Variants in SGCD observed in about 807,000 individuals in gnomAD.
The protein encoded by SGCD is sarcoglycan delta.
SGCD carries 18 observed loss-of-function variants against 36.6 expected under a neutral mutation model. That is an observed-to-expected ratio of 0.49 (90% CI 0.34 to 0.73). SGCD has a LOEUF of 0.73. Ranked by LOEUF, SGCD falls within the 30% of genes least tolerant of loss-of-function variation. The probability of loss-of-function intolerance (pLI) is 0.01; values close to 1 mark genes in which losing one functional copy is unlikely to be tolerated. For missense variants in SGCD, 387 were observed against 346.7 expected (o/e 1.12, Z -0.92); for synonymous variants, 133 against 130.6 (o/e 1.02, Z -0.12).
chr5:155,966,248 C>G (rs1757901542), intron 1 of SGCD, among the ~76,000 whole-genome samples: 1 of 152,060 alleles, frequency 6.6e-6, no homozygotes, highest in African/African-American at 2.4e-5. Flanking sequence ...TTCTGAATGT[C>G]AACATATACT....
intron 3 of SGCD, among the ~76,000 whole-genome samples, chr5:156,459,934 T>A (rs1754413663): frequency 6.6e-6 from 1 of 152,158 alleles, no homozygotes; most frequent in Admixed American, 6.6e-5. Flanking sequence ...AGATAACCCC[T>A]CCTCCTTTCC....
At chr5:155,953,496 G>A (rs912370035) in intron 1 of SGCD, among the ~76,000 whole-genome samples, 12 of 152,140 alleles carry the variant, frequency 7.9e-5, no homozygotes, top group Admixed American at 2.0e-4. Flanking sequence ...CAGATAAGCC[G>A]TTCATTCAAT....
intron 7 of SGCD, among the ~76,000 whole-genome samples, chr5:156,736,166 T>C (rs1367842362): frequency 2.0e-5 from 3 of 152,206 alleles, no homozygotes; most frequent in Non-Finnish European, 4.4e-5. Context: ...ATGTGTCAGT[T>C]GGCAGTGCTG....
intron 3 of SGCD, among the ~76,000 whole-genome samples, chr5:156,486,984 A>G (rs1200807275): frequency 6.6e-6 from 1 of 152,154 alleles, no homozygotes; most frequent in Non-Finnish European, 1.5e-5. Flanking sequence ...TCTGTCATCC[A>G]AGCCTACCTC....
intron 7 of SGCD, among the ~76,000 whole-genome samples, chr5:156,657,578 C>A (rs1307969836): frequency 1.3e-5 from 2 of 151,616 alleles, no homozygotes; most frequent in Non-Finnish European, 2.9e-5. Context: ...GCCTGGCCAC[C>A]ATGGTGAAAC....
At chr5:156,703,382 C>CTT (rs533137929) in intron 7 of SGCD, among the ~76,000 whole-genome samples, 5 of 137,354 alleles carry the variant, frequency 3.6e-5, no homozygotes, top group Admixed American at 7.2e-5. Context: ...TTATTTATTT[C>CTT]TTTTTTTTTT....
At position 156,647,494 on chromosome 5, in the gene SGCD, T is replaced by C. The variant is rs757279786; in HGVS notation, c.533T>C (p.Ile178Thr). The change falls in exon 7 of 9, where the codon ATA (isoleucine) becomes ACA (threonine). Residue 178 changes from isoleucine (I) to threonine (T), a missense_variant. By Grantham distance (89) the Ile-to-Thr change is moderately conservative. Transcript: ENST00000337851. ...GAGGGCACAGTGTTCCCTAAATCTA[T>C]AGAAACACCTAATGTCAGGGCAGAC... is the stretch of plus-strand genomic sequence containing the variant. Reference protein sequence around the residue: ...GAEGTVFPKSIETPNVRADPF... With the variant: ...GAEGTVFPKSTETPNVRADPF... 5 of 1,587,218 alleles carry C rather than the reference T, an allele frequency of 3.2e-6. No homozygotes were observed. The highest frequency in any genetic ancestry group is 2.3e-5 in the East Asian group (1 of 44,086).
chr5:156,309,847 G>A (rs1227652584), intron 3 of SGCD, among the ~76,000 whole-genome samples: 1 of 151,814 alleles, frequency 6.6e-6, no homozygotes, highest in African/African-American at 2.4e-5. Context: ...TCTGCCATCA[G>A]GTCTTTTTTT....
intron 1 of SGCD, among the ~76,000 whole-genome samples, chr5:156,041,024 G>A (rs1759619584): frequency 6.6e-6 from 1 of 152,212 alleles, no homozygotes; most frequent in South Asian, 2.1e-4. Flanking sequence ...AAACTGTGAT[G>A]TTCTGTGTTT....
At chr5:156,728,219 A>G (rs1404790365) in intron 7 of SGCD, among the ~76,000 whole-genome samples, 1 of 152,104 alleles carries the variant, frequency 6.6e-6, no homozygotes, top group Non-Finnish European at 1.5e-5. Context: ...AAAATGATAG[A>G]TTTTCCTTTG....
intron 3 of SGCD, among the ~76,000 whole-genome samples, chr5:156,498,124 C>A (rs1205890166): frequency 1.3e-5 from 2 of 152,132 alleles, no homozygotes; most frequent in Non-Finnish European, 1.5e-5. Flanking sequence ...GTTTTACCCT[C>A]TTTAACATAC....
chr5:156,305,635 G>A (rs979114915), intron 3 of SGCD, among the ~76,000 whole-genome samples: 60 of 152,260 alleles, frequency 3.9e-4, no homozygotes, highest in African/African-American at 1.4e-3. Flanking sequence ...TGTGAGAAGA[G>A]CACCGTCATC....
intron 3 of SGCD, chr5:156,458,605 T>G: frequency 1.4e-6 from 1 of 698,408 alleles, no homozygotes; most frequent in Non-Finnish European, 2.5e-6. Context: ...CCTCAGATTT[T>G]TATTTGTAAA....
chr5:156,363,938 G>A (rs1769947335), intron 3 of SGCD, among the ~76,000 whole-genome samples: 1 of 152,172 alleles, frequency 6.6e-6, no homozygotes, highest in East Asian at 1.9e-4. Context: ...CCTGACGGGA[G>A]TCACATGCCC....
At chr5:156,575,084 G>C (rs1003062737) in intron 4 of SGCD, among the ~76,000 whole-genome samples, 4 of 152,224 alleles carry the variant, frequency 2.6e-5, no homozygotes, top group Non-Finnish European at 5.9e-5. Context: ...CCAAAAGCCA[G>C]AGAAGTTTAG....
intron 1 of SGCD, among the ~76,000 whole-genome samples, chr5:156,114,606 C>T (rs913505857): frequency 3.3e-5 from 5 of 152,098 alleles, no homozygotes; most frequent in African/African-American, 9.7e-5. Flanking sequence ...TTTCTCCTCT[C>T]ATCTATGAAA....
chr5:156,271,117 A>G (rs1319881093), intron 3 of SGCD, among the ~76,000 whole-genome samples: 2 of 152,208 alleles, frequency 1.3e-5, no homozygotes, highest in Non-Finnish European at 2.9e-5. Flanking sequence ...TTTTTCTGCA[A>G]TAGTAAACAA....
chr5:156,604,641 T>C (rs1455674440), intron 6 of SGCD, among the ~76,000 whole-genome samples: 2 of 151,162 alleles, frequency 1.3e-5, no homozygotes, highest in East Asian at 1.9e-4. Context: ...ATTTATATTT[T>C]TGATATTTTC....
Position 156,423,002 on chromosome 5 carries a change from T to A in SGCD, c.192+78325T>A, listed in dbSNP as rs534835718. On this transcript the variant is annotated intron_variant, in intron 3 of 8. Coordinates refer to ENST00000337851, the MANE Select transcript of SGCD (RefSeq NM_000337.6). ...AGTTGTGAATGCCAGAGGCCTGCAG[T>A]CTTCACTCACAAATGATTTGATTTA... Among the ~76,000 whole-genome samples the A allele has an allele frequency of 2.7e-4, 41 of 150,932 alleles. No individual in the cohort carries two copies. In the South Asian group the frequency reaches 7.1e-3, roughly 26 times the overall value.
Sources: gnomAD v4.1 joint callset for allele counts (sites outside exome capture counted in the v4.1 genomes callset) on GRCh38, gnomAD v4.1.1 for gene constraint, MANE v1.5 for transcripts, NCBI Gene and HGNC (gene_info 2026-07-23, HGNC 2026-07-21) for gene names.